Variants in LRP5 observed in about 807,000 individuals in gnomAD.
The protein encoded by LRP5 is low-density lipoprotein receptor-related protein 5.
In LRP5, 62 loss-of-function variants were observed where a neutral mutation model predicts 154.1. That is an observed-to-expected ratio of 0.40 (90% CI 0.33 to 0.50). The LOEUF (loss-of-function observed/expected upper bound fraction) is 0.50. LRP5 is among the 20% of genes least tolerant of loss of function. The pLI is 0.55. For missense variants in LRP5, 1,915 were observed against 2,336.7 expected (o/e 0.82, Z 3.72); for synonymous variants, 966 against 1,011.5 (o/e 0.96, Z 0.85).
rs746554984 is a variant in LRP5 at position 68,403,505 on chromosome 11, A to C, written c.1607A>C (p.Lys536Thr). The part of the protein sequence containing the change: ...KIEVINVDGT[K>T]RRTLLEDKLP... The stretch of plus-strand genomic sequence containing the variant: ...CAGGTGATCAATGTTGATGGGACGA[A>C]GAGGCGGACCCTCCTGGAGGACAAG... The change falls in exon 8 of 23, where the codon AAG becomes ACG. Residue 536 changes from lysine (K) to threonine (T), a missense_variant. By Grantham distance (78) the Lys-to-Thr change is moderately conservative. Around this residue, in one of 3 missense-constraint regions of LRP5, gnomAD observed 773 missense variants for 1,100.9 expected, o/e 0.70. Coordinates refer to ENST00000294304, the MANE Select transcript of LRP5 (RefSeq NM_002335.4). 10 of 1,614,102 alleles carry C rather than the reference A, an allele frequency of 6.2e-6. No individual in the cohort carries two copies. The South Asian group carries it at 9.9e-5, about 16-fold the overall frequency.
intron 1 of LRP5, among the ~76,000 whole-genome samples, chr11:68,330,454 A>G (rs2098602112): frequency 6.6e-6 from 1 of 152,214 alleles, no homozygotes; most frequent in Non-Finnish European, 1.5e-5. Context: ...GCTTCTGGTA[A>G]CTGGCTCCGG....
chr11:68,368,807 G>T (rs1006703652), intron 5 of LRP5, among the ~76,000 whole-genome samples: 5 of 151,780 alleles, frequency 3.3e-5, no homozygotes, highest in African/African-American at 4.8e-5. Flanking sequence ...ATTGCAGGAG[G>T]TAAATATGTA....
chr11:68,420,526 G>A (rs564783666), intron 13 of LRP5, among the ~76,000 whole-genome samples: 1 of 152,234 alleles, frequency 6.6e-6, no homozygotes, highest in East Asian at 1.9e-4. Context: ...CCAACATAGT[G>A]AAACCCTGGC....
In LRP5 at chr11:68,312,791, C is replaced by G; in HGVS notation, c.77C>G (p.Pro26Arg). 1.9e-6 allele frequency: 2 copies of G among 1,077,812 alleles called. No individual in the cohort carries two copies. Among genetic ancestry groups the G allele is most frequent in the Non-Finnish European group, 2.3e-6 (2 of 886,062 alleles). 66.8% of individuals were successfully genotyped at this position (1,077,812 alleles called of 1,614,324 possible). A position where few individuals can be genotyped will look rare whatever the true frequency, so the allele number is the denominator to read the frequency against. The change falls in exon 1 of 23, where the codon CCG becomes CGG. Residue 26 changes from proline (P) to arginine (R), a missense_variant. Coordinates refer to ENST00000294304, the MANE Select transcript of LRP5 (RefSeq NM_002335.4). ...LLLLLALCGC[P>R]APAAASPLLL... ...CTGCTGCTGGCGCTGTGCGGCTGCCCGGCCCCCGCCGCGGGTAGGTGGGCG... is the reference window on the plus strand; with the variant it reads ...CTGCTGCTGGCGCTGTGCGGCTGCCGGGCCCCCGCCGCGGGTAGGTGGGCG...
At chr11:68,421,686 C>CTGTGTGTGTGTGTGTG (rs148066763) in intron 13 of LRP5, among the ~76,000 whole-genome samples, 10 of 133,330 alleles carry the variant, frequency 7.5e-5, no homozygotes, top group African/African-American at 2.6e-4. Flanking sequence ...CCCAGCAAGG[C>CTGTGTGTGTGTGTGTG]TGTGTGTGTG....
chr11:68,386,872 G>A lies in LRP5; in HGVS notation c.1412+160G>A, dbSNP rs761975414. ...AGCTGGGCCCCACCCCCAGAGCGGT[G>A]ATTCAGGAGCTCCAGGGCGGGGCTG... On this transcript the variant is annotated intron_variant, in intron 6 of 22. Transcript: ENST00000294304. The surrounding 1 kb of genome is among the most constrained non-coding windows in gnomAD (Gnocchi z 7.9). Among the ~76,000 whole-genome samples the A allele has an allele frequency of 6.6e-6, 1 of 152,228 alleles. No individual in the cohort carries two copies. The highest frequency in any genetic ancestry group is 2.4e-5 in the African/African-American group (1 of 41,462).
chr11:68,436,096 G>A (rs1288908739), intron 18 of LRP5, among the ~76,000 whole-genome samples: 2 of 152,360 alleles, frequency 1.3e-5, no homozygotes, highest in Non-Finnish European at 2.9e-5. Context: ...TCCCGCTCTA[G>A]CTTCTCCTCC....
chr11:68,404,997 A>C (rs144237532), intron 8 of LRP5, among the ~76,000 whole-genome samples: 2 of 142,772 alleles, frequency 1.4e-5, no homozygotes, highest in Non-Finnish European at 3.0e-5. Flanking sequence ...AAAAAAGTCC[A>C]AAAAAAAAAA....
At chr11:68,349,027 CT>C (rs368502197) in intron 2 of LRP5, among the ~76,000 whole-genome samples, 2,151 of 123,564 alleles carry the variant, frequency 0.017, 21 homozygotes, top group Admixed American at 0.024. Context: ...AGTTATGTTC[CT>C]TTTTTTTTTT....
intron 2 of LRP5, among the ~76,000 whole-genome samples, chr11:68,356,622 C>G (rs2098623382): frequency 6.6e-6 from 1 of 152,300 alleles, no homozygotes; most frequent in African/African-American, 2.4e-5. Context: ...GCTGACGCAC[C>G]ATCACCCAAA....
chr11:68,420,272 T>C (rs1378932801), intron 13 of LRP5, among the ~76,000 whole-genome samples: 1 of 152,218 alleles, frequency 6.6e-6, no homozygotes, highest in Non-Finnish European at 1.5e-5. Flanking sequence ...CTCTGCCTTC[T>C]CTAGGTACCT....
At chr11:68,360,913 C>T (rs1374763603) in intron 3 of LRP5, among the ~76,000 whole-genome samples, 55 of 134,118 alleles carry the variant, frequency 4.1e-4, no homozygotes, top group African/African-American at 1.4e-3. Flanking sequence ...AGGAGAATGG[C>T]GTGAACCTGG....
intron 1 of LRP5, among the ~76,000 whole-genome samples, chr11:68,329,546 G>C (rs1036809681): frequency 5.9e-5 from 9 of 152,320 alleles, no homozygotes; most frequent in Admixed American, 5.2e-4. Context: ...GTTTCAGTAA[G>C]TGCAAGCCCT....
At chr11:68,309,373 C>T (rs543039295), upstream of LRP5, among the ~76,000 whole-genome samples, 87 of 152,178 alleles carry the variant, frequency 5.7e-4, no homozygotes, top group African/African-American at 1.7e-3. Context: ...GCTGGGATTA[C>T]AGGCACATGC....
chr11:68,368,448 G>A (rs933614739), intron 5 of LRP5, among the ~76,000 whole-genome samples: 2 of 152,264 alleles, frequency 1.3e-5, no homozygotes, highest in Non-Finnish European at 2.9e-5. Flanking sequence ...GCATGCTGGT[G>A]TTGGGACCGA....
At chr11:68,445,083 T>C (rs1228801851) in intron 21 of LRP5, among the ~76,000 whole-genome samples, 1 of 151,920 alleles carries the variant, frequency 6.6e-6, no homozygotes, top group African/African-American at 2.4e-5. Flanking sequence ...TATTACTTTA[T>C]TTTATTATTT....
chr11:68,405,515 G>A (rs2153164096), intron 8 of LRP5, among the ~76,000 whole-genome samples: 1 of 150,946 alleles, frequency 6.6e-6, no homozygotes, highest in African/African-American at 2.4e-5. Flanking sequence ...CATGGAAGGT[G>A]AGACTGACCT....
intron 8 of LRP5, among the ~76,000 whole-genome samples, chr11:68,404,926 C>T (rs1249256495): frequency 2.0e-5 from 3 of 149,366 alleles, no homozygotes; most frequent in African/African-American, 7.4e-5. Flanking sequence ...GCCGAGATTG[C>T]GCCACTGCAG....
In LRP5 at chr11:68,348,005, G is replaced by C. The variant is rs201119420; in HGVS notation, c.250G>C (p.Glu84Gln). Reference protein sequence around the residue: ...KGAVYWTDVSEEAIKQTYLNQ... With the variant: ...KGAVYWTDVSQEAIKQTYLNQ... ...AGCCGTGTACTGGACAGACGTGAGC[G>C]AGGAGGCCATCAAGCAGACCTACCT... Residue 84 changes from glutamate (E) to glutamine (Q), a missense_variant, in exon 2 of 23, where the codon GAG becomes CAG. Around this residue, in one of 3 missense-constraint regions of LRP5, gnomAD observed 773 missense variants for 1,100.9 expected, o/e 0.70. Transcript: ENST00000294304. 4 of 1,614,164 alleles carry C rather than the reference G, an allele frequency of 2.5e-6. No individual in the cohort carries two copies. The South Asian group carries it at 4.4e-5, about 18-fold the overall frequency.
Sources: allele counts gnomAD v4.1 joint callset (sites outside exome capture counted in the v4.1 genomes callset), GRCh38; gene constraint gnomAD v4.1.1; regional missense constraint gnomAD v4.1.1; non-coding constraint Gnocchi (gnomAD v3.1); transcripts MANE v1.5; gene names NCBI Gene and HGNC (gene_info 2026-07-23, HGNC 2026-07-21).